Variants in PAPPA observed in about 807,000 individuals in gnomAD.
PAPPA encodes pappalysin-1.
Under a neutral mutation model 164.0 loss-of-function variants are expected in PAPPA, and 60 were observed. The observed-to-expected ratio is 0.37, with a 90% CI of 0.30 to 0.45. The LOEUF is 0.45. Among genes scored for constraint, PAPPA ranks in the 20% least tolerant of loss-of-function variants. The probability of loss-of-function intolerance (pLI) is 1.00; values close to 1 mark genes in which losing one functional copy is unlikely to be tolerated. For synonymous variants in PAPPA, 875 were observed against 814.1 expected (o/e 1.07, Z -1.27); for missense variants, 1,782 against 2,087.3 (o/e 0.85, Z 2.85).
chr9:116,377,158 TCA>T (rs1218967098), intron 19 of PAPPA, among the ~76,000 whole-genome samples: 1 of 151,778 alleles, frequency 6.6e-6, no homozygotes, highest in Non-Finnish European at 1.5e-5. Context: ...CCTGCTGCAG[TCA>T]CACACATGTA....
Position 116,227,505 on chromosome 9 carries a change from C to T in PAPPA, c.2186C>T (p.Pro729Leu). 1.2e-6 allele frequency: 2 copies of T among 1,614,092 alleles called. No homozygotes were observed. Among genetic ancestry groups the T allele is most frequent in the African/African-American group, 1.3e-5 (1 of 75,014 alleles). ...CAGTATGCTTCCAACGCTTCCTCCC[C>T]AATGCCCTGCAGCCCATCAGGACAC... ...LVQYASNASS[P>L]MPCSPSGHWS... Residue 729 changes from proline to leucine, a missense_variant, in exon 6 of 22, where the codon CCA becomes CTA. Transcript: ENST00000328252.
At chr9:116,257,004 T>G (rs1391228970) in intron 7 of PAPPA, among the ~76,000 whole-genome samples, 1 of 151,904 alleles carries the variant, frequency 6.6e-6, no homozygotes, top group East Asian at 2.0e-4. Context: ...AGATAGAACA[T>G]AAGCTCTGTC....
At chr9:116,346,879 C>T (rs1322857879) in intron 14 of PAPPA, 147 bp from the exon 15 acceptor site, 1 of 574,212 alleles carries the variant, frequency 1.7e-6, no homozygotes, top group East Asian at 3.1e-5. Context: ...TTATTGGGAT[C>T]ATTAAAAGTG....
At chr9:116,366,686 G>A (rs571602914) in intron 18 of PAPPA, among the ~76,000 whole-genome samples, 14 of 152,298 alleles carry the variant, frequency 9.2e-5, no homozygotes, top group African/African-American at 3.4e-4. Context: ...TGGGGAGCAT[G>A]GGTAGTGCTG....
intron 9 of PAPPA, among the ~76,000 whole-genome samples, chr9:116,282,217 A>G (rs1314453763): frequency 1.3e-5 from 2 of 152,198 alleles, no homozygotes; most frequent in Non-Finnish European, 2.9e-5. Context: ...ATATACTTCA[A>G]ATCATCTCTA....
At position 116,232,003 on chromosome 9, in the gene PAPPA, C is replaced by T. The variant is rs139924635; in HGVS notation, c.2234-3136C>T. On this transcript the variant is annotated intron_variant, in intron 6 of 21. Coordinates refer to ENST00000328252, the MANE Select transcript of PAPPA (RefSeq NM_002581.5). ...TCCTGACCTCAAGTGATCTGCCTGC[C>T]TAGGCCTCCCAAAGTGCTGGGATTA... is the stretch of plus-strand genomic sequence containing the variant. Among the ~76,000 whole-genome samples the T allele has an allele frequency of 9.8e-3, 1,486 of 152,092 alleles. 25 individuals are homozygous for T. Among genetic ancestry groups the T allele is most frequent in the African/African-American group, 0.033 (1,381 of 41,500 alleles).
intron 9 of PAPPA, among the ~76,000 whole-genome samples, chr9:116,284,071 G>A (rs1845300768): frequency 6.6e-6 from 1 of 152,048 alleles, no homozygotes; most frequent in Non-Finnish European, 1.5e-5. Flanking sequence ...TATTTATTGA[G>A]CACCTCTTAT....
chr9:116,179,035 C>T (rs1251869224), intron 1 of PAPPA, among the ~76,000 whole-genome samples: 1 of 152,198 alleles, frequency 6.6e-6, no homozygotes, highest in Non-Finnish European at 1.5e-5. Context: ...TACTCTCAAG[C>T]TTGCCTCACA....
chr9:116,318,052 A>G (rs1355302483), intron 10 of PAPPA, among the ~76,000 whole-genome samples: 4 of 152,160 alleles, frequency 2.6e-5, no homozygotes, highest in Non-Finnish European at 4.4e-5. Flanking sequence ...TGTTGACATC[A>G]TTTGGGAAAC....
intron 9 of PAPPA, among the ~76,000 whole-genome samples, chr9:116,280,238 G>T (rs1328908211): frequency 1.3e-5 from 2 of 152,184 alleles, no homozygotes; most frequent in Non-Finnish European, 2.9e-5. Context: ...GAAGGCCAGG[G>T]AGGTTAGGAA....
chr9:116,325,382 T>G (rs1049909914), intron 10 of PAPPA, among the ~76,000 whole-genome samples: 1 of 152,070 alleles, frequency 6.6e-6, no homozygotes. Context: ...CCCTTAAAGG[T>G]CATTCCGTGC....
At chr9:116,180,359 GAGTT>G (rs1843889206) in intron 1 of PAPPA, among the ~76,000 whole-genome samples, 1 of 152,052 alleles carries the variant, frequency 6.6e-6, no homozygotes, top group South Asian at 2.1e-4. Flanking sequence ...AAAGAGATGA[GAGTT>G]AGAATTGTGA....
chr9:116,217,495 T>C (rs1036446292), intron 4 of PAPPA, among the ~76,000 whole-genome samples: 3 of 152,230 alleles, frequency 2.0e-5, no homozygotes, highest in Non-Finnish European at 4.4e-5. Flanking sequence ...GAAACATCTT[T>C]GTATGTCTAT....
rs115236482 is a variant in PAPPA at position 116,366,974 on chromosome 9, A to G, written c.4496-671A>G. 8.2e-3 allele frequency among the ~76,000 whole-genome samples: 1,248 copies of G among 152,302 alleles called. 10 individuals are homozygous for G. Among genetic ancestry groups the G allele is most frequent in the Non-Finnish European group, 0.012 (813 of 68,016 alleles). ...AAGCTGGTATTGCATTTATGTGCTC[A>G]TCATTCACTCGGCCAGTGCTCACTG... On this transcript the variant is annotated intron_variant, in intron 18 of 21. Transcript: ENST00000328252.
intron 7 of PAPPA, among the ~76,000 whole-genome samples, chr9:116,258,177 A>G (rs1321623535): frequency 2.0e-5 from 3 of 152,088 alleles, no homozygotes; most frequent in Non-Finnish European, 2.9e-5. Context: ...GATACATTCA[A>G]TGAAATTGGA....
chr9:116,216,308 C>T (rs1192137595), intron 4 of PAPPA, among the ~76,000 whole-genome samples: 6 of 152,202 alleles, frequency 3.9e-5, no homozygotes, highest in African/African-American at 1.4e-4. Context: ...AGCATTGTGT[C>T]CAAAGTCCTA....
chr9:116,232,267 C>A (rs1047486816), intron 6 of PAPPA, among the ~76,000 whole-genome samples: 2 of 152,236 alleles, frequency 1.3e-5, no homozygotes, highest in African/African-American at 4.8e-5. Flanking sequence ...TACACTCTCT[C>A]CCAACTATTC....
intron 20 of PAPPA, 21 bp downstream of exon 20, chr9:116,377,668 T>G: frequency 6.4e-7 from 1 of 1,560,604 alleles, no homozygotes; most frequent in Non-Finnish European, 8.8e-7. Flanking sequence ...AGGAAGGCAC[T>G]CCTCAGTTCC....
chr9:116,259,796 T>A (rs1244395088), intron 7 of PAPPA, among the ~76,000 whole-genome samples: 2 of 152,194 alleles, frequency 1.3e-5, no homozygotes, highest in African/African-American at 2.4e-5. Flanking sequence ...TTAGCCTTTT[T>A]TCCCTCAGAA....
Sources: allele counts gnomAD v4.1 joint callset (sites outside exome capture counted in the v4.1 genomes callset), GRCh38; gene constraint gnomAD v4.1.1; transcripts MANE v1.5; gene names NCBI Gene and HGNC (gene_info 2026-07-23, HGNC 2026-07-21).